The following TENM2 variants were observed in gnomAD, a reference collection of about 807,000 sequenced individuals.
TENM2 encodes the protein teneurin-2.
TENM2 carries 52 observed loss-of-function variants against 245.2 expected under a neutral mutation model. That is an observed-to-expected ratio of 0.21 (90% confidence interval 0.17 to 0.27). The LOEUF (loss-of-function observed/expected upper bound fraction) is 0.27, where lower values mean the gene tolerates loss of function less well. Among genes scored for constraint, TENM2 ranks in the 10% least tolerant of loss-of-function variants. The pLI, the probability that TENM2 is intolerant of heterozygous loss-of-function variation, is 1.00. For synonymous variants in TENM2, 1,363 were observed against 1,438.9 expected (o/e 0.95, Z 1.19); for missense variants, 3,046 against 3,666.8 (o/e 0.83, Z 4.37).
the TENM2 span, among the ~76,000 whole-genome samples, chr5:167,207,386 G>A: frequency 6.6e-6 from 1 of 152,184 alleles, no homozygotes; most frequent in African/African-American, 2.4e-5. Flanking sequence ...ATATAGGCCT[G>A]GTGAGATCAG....
intron 2 of TENM2, among the ~76,000 whole-genome samples, chr5:167,650,253 C>T (rs1253566425): frequency 1.3e-5 from 2 of 152,162 alleles, no homozygotes; most frequent in Non-Finnish European, 2.9e-5. Flanking sequence ...ATTTAGCATA[C>T]TTTGTTCTTT....
At chr5:167,619,832 A>G (rs1276644285) in intron 2 of TENM2, among the ~76,000 whole-genome samples, 3 of 152,086 alleles carry the variant, frequency 2.0e-5, no homozygotes. Flanking sequence ...TTTCATTGGC[A>G]TTTCAAGACC....
At chr5:167,763,912 A>G (rs1350878802) in intron 2 of TENM2, among the ~76,000 whole-genome samples, 5 of 151,810 alleles carry the variant, frequency 3.3e-5, no homozygotes, top group African/African-American at 4.8e-5. Context: ...CTTGCCTGGC[A>G]AAGAACCCAA....
intron 5 of TENM2, among the ~76,000 whole-genome samples, chr5:168,042,161 G>T (rs1372077013): frequency 6.6e-6 from 1 of 152,214 alleles, no homozygotes; most frequent in South Asian, 2.1e-4. Flanking sequence ...AGGCCCTTGT[G>T]TATCTGATGG....
At position 167,358,260 on chromosome 5, in the gene TENM2, T is replaced by A. The variant is rs1199306487; in HGVS notation, c.227-16938T>A. On this transcript the variant is annotated intron_variant, in intron 1 of 28. Coordinates refer to ENST00000518659, the Ensembl canonical transcript of TENM2. Reference sequence around the variant, plus strand: ...CACAATCCAATCAGACTTTCACATATACCCCTCCACATAATTGCTCTTGCC... The same window carrying A: ...CACAATCCAATCAGACTTTCACATAAACCCCTCCACATAATTGCTCTTGCC... Among the ~76,000 whole-genome samples, 8 of 152,182 alleles carry A rather than the reference T, an allele frequency of 5.3e-5. No individual in the cohort carries two copies. The East Asian group carries it at 1.5e-3, about 29-fold the overall frequency.
At chr5:168,212,186 T>TAA (rs35000778) in intron 20 of TENM2, among the ~76,000 whole-genome samples, 59 of 145,986 alleles carry the variant, frequency 4.0e-4, no homozygotes, top group East Asian at 4.0e-3. Context: ...TGGTCATCTT[T>TAA]AAAAAAAAAA....
At chr5:167,656,173 C>T (rs1020581696) in intron 2 of TENM2, among the ~76,000 whole-genome samples, 1 of 152,030 alleles carries the variant, frequency 6.6e-6, no homozygotes, top group African/African-American at 2.4e-5. Context: ...GTACAAAAAT[C>T]CCAGAATTTG....
intron 23 of TENM2, among the ~76,000 whole-genome samples, chr5:168,219,849 A>AAAAAAAC (rs1763513675): frequency 6.7e-6 from 1 of 149,578 alleles, no homozygotes; most frequent in African/African-American, 2.5e-5. Flanking sequence ...AAAAAAAAAA[A>AAAAAAAC]GCGGGGGACA....
chr5:168,135,905 T>G (rs1306935517), intron 12 of TENM2, among the ~76,000 whole-genome samples: 1 of 152,134 alleles, frequency 6.6e-6, no homozygotes, highest in African/African-American at 2.4e-5. Context: ...GGGGTTTTAT[T>G]ATTAAGGTCC....
chr5:167,782,339 A>AAAAAAAT (rs60865615), intron 2 of TENM2, among the ~76,000 whole-genome samples: 1 of 148,430 alleles, frequency 6.7e-6, no homozygotes, highest in African/African-American at 2.5e-5. Flanking sequence ...AAAAAAAAAA[A>AAAAAAAT]TTAAAAAGAA....
chr5:167,844,789 G>T (rs1297668583), intron 2 of TENM2, among the ~76,000 whole-genome samples: 3 of 148,224 alleles, frequency 2.0e-5, no homozygotes, highest in African/African-American at 7.5e-5. Context: ...CTCAATGCAG[G>T]TTTGAGTTTG....
intron 2 of TENM2, among the ~76,000 whole-genome samples, chr5:167,458,244 T>G (rs1008438989): frequency 6.6e-6 from 1 of 151,924 alleles, no homozygotes; most frequent in Non-Finnish European, 1.5e-5. Flanking sequence ...CCCAGCACTT[T>G]GGGAGGCCGA....
At chr5:167,035,925 T>C in the TENM2 span, among the ~76,000 whole-genome samples, 1 of 152,080 alleles carries the variant, frequency 6.6e-6, no homozygotes, top group Non-Finnish European at 1.5e-5. Flanking sequence ...GTATTATTAG[T>C]AGAGATGGGC....
Position 168,084,112 on chromosome 5 carries a change from T to A in TENM2, c.1516-6462T>A, listed in dbSNP as rs76823755. Among the ~76,000 whole-genome samples the A allele has an allele frequency of 3.4e-3, 516 of 152,362 alleles. 27 individuals are homozygous for A. The East Asian group carries it at 0.088, about 26-fold the overall frequency. On this transcript the variant is annotated intron_variant, in intron 7 of 28. Transcript: ENST00000518659. The stretch of plus-strand genomic sequence containing the variant: ...AAAATATGATTTCATTCTTTATGAC[T>A]GCATAGTATTCCGTGGTGTATATGT...
the TENM2 span, among the ~76,000 whole-genome samples, chr5:167,201,103 T>C: frequency 6.6e-6 from 1 of 152,138 alleles, no homozygotes; most frequent in African/African-American, 2.4e-5. Flanking sequence ...TTTTTTCTTC[T>C]CTTACAATAG....
intron 2 of TENM2, among the ~76,000 whole-genome samples, chr5:167,527,660 AT>A (rs1771213454): frequency 6.6e-6 from 1 of 152,018 alleles, no homozygotes; most frequent in African/African-American, 2.4e-5. Context: ...TACATCTCTT[AT>A]TTTTTCATCA....
rs192084330 is a variant in TENM2 at position 167,643,497 on chromosome 5, G to A, written c.503-232489G>A. On this transcript the variant is annotated intron_variant, in intron 2 of 28. Transcript: ENST00000518659. ...GCTGAATAATATTCCAACTGCTTCT[G>A]TTAAAAATAAAAAAGGCTATAAATA... Among the ~76,000 whole-genome samples, 8 of 152,010 alleles carry A rather than the reference G, an allele frequency of 5.3e-5. No homozygotes were observed. In the East Asian group the frequency reaches 1.4e-3, roughly 26 times the overall value.
intron 3 of TENM2, among the ~76,000 whole-genome samples, chr5:167,906,918 A>G (rs1353434649): frequency 6.6e-6 from 1 of 152,212 alleles, no homozygotes; most frequent in Non-Finnish European, 1.5e-5. Flanking sequence ...ATCCTGGATG[A>G]TGCAGCAGAC....
chr5:167,840,182 T>C (rs967173053), intron 2 of TENM2, among the ~76,000 whole-genome samples: 1 of 152,162 alleles, frequency 6.6e-6, no homozygotes, highest in Non-Finnish European at 1.5e-5. Flanking sequence ...GGGCTAAAAG[T>C]GGCAGCAAGT....
Sources: gnomAD v4.1 joint callset for allele counts (sites outside exome capture counted in the v4.1 genomes callset) on GRCh38, gnomAD v4.1.1 for gene constraint, MANE v1.5 for transcripts, NCBI Gene and HGNC (gene_info 2026-07-23, HGNC 2026-07-21) for gene names.